Variants in ATRNL1 observed in about 807,000 individuals in gnomAD.
The protein encoded by ATRNL1 is attractin like 1.
ATRNL1 carries 95 observed loss-of-function variants against 182.7 expected under a neutral mutation model. That is an observed-to-expected ratio of 0.52 (90% confidence interval 0.44 to 0.62). The LOEUF is 0.62. Ranked by LOEUF, ATRNL1 falls within the 20% of genes least tolerant of loss-of-function variation. The pLI, the probability that ATRNL1 is intolerant of heterozygous loss-of-function variation, is 0.00. For synonymous variants in ATRNL1, 576 were observed against 568.3 expected (o/e 1.01, Z -0.19); for missense variants, 1,471 against 1,679.5 (o/e 0.88, Z 2.17).
intron 24 of ATRNL1, among the ~76,000 whole-genome samples, chr10:115,509,570 C>A (rs985771373): frequency 1.3e-5 from 2 of 152,020 alleles, no homozygotes; most frequent in Admixed American, 1.3e-4. Context: ...TCCGCCTTCA[C>A]CTTTCACCAT....
intron 19 of ATRNL1, among the ~76,000 whole-genome samples, chr10:115,351,265 G>T (rs529493433): frequency 1.3e-5 from 2 of 152,116 alleles, no homozygotes; most frequent in African/African-American, 4.8e-5. Context: ...TACTCTGGGT[G>T]GGACTTCCAG....
At chr10:115,500,873 A>ATTGGCT (rs1849794068) in intron 24 of ATRNL1, among the ~76,000 whole-genome samples, 4 of 139,592 alleles carry the variant, frequency 2.9e-5, no homozygotes, top group Admixed American at 2.9e-4. Flanking sequence ...AGGCTTTTAA[A>ATTGGCT]TTGGCTTTGA....
At chr10:115,813,370 C>A (rs2134262171) in intron 27 of ATRNL1, among the ~76,000 whole-genome samples, 1 of 152,180 alleles carries the variant, frequency 6.6e-6, no homozygotes, top group East Asian at 1.9e-4. Context: ...ATTAATACCC[C>A]AAAGAGGGGT....
At chr10:115,566,787 C>T (rs184968212) in intron 26 of ATRNL1, among the ~76,000 whole-genome samples, 3 of 152,158 alleles carry the variant, frequency 2.0e-5, no homozygotes, top group African/African-American at 4.8e-5. Context: ...GACAGTTTCA[C>T]ATTAAGTTAC....
At chr10:115,247,489 G>A (rs1290638171) in intron 10 of ATRNL1, among the ~76,000 whole-genome samples, 3 of 152,018 alleles carry the variant, frequency 2.0e-5, no homozygotes, top group Non-Finnish European at 4.4e-5. Flanking sequence ...ATCATCTCAC[G>A]CCATTTAGGA....
At chr10:115,413,935 G>A (rs1347589724) in intron 20 of ATRNL1, among the ~76,000 whole-genome samples, 3 of 152,080 alleles carry the variant, frequency 2.0e-5, no homozygotes, top group East Asian at 1.9e-4. Context: ...ATATACATAT[G>A]TGCACATACA....
chr10:115,523,738 G>T (rs571421151), intron 25 of ATRNL1, among the ~76,000 whole-genome samples: 1 of 152,236 alleles, frequency 6.6e-6, no homozygotes, highest in East Asian at 1.9e-4. Flanking sequence ...TCAGCATTTT[G>T]GTCACAGCCA....
rs1851567916 is a variant in ATRNL1, at chr10:115,265,381, A to G, written c.1772+104A>G. Reference sequence around the variant, plus strand: ...AAAATTATCATTGGTACTTAATGGTATTGGATTTTATGCATCTCTTCTCTA... The same window carrying G: ...AAAATTATCATTGGTACTTAATGGTGTTGGATTTTATGCATCTCTTCTCTA... On this transcript the variant is annotated intron_variant, in intron 11 of 28. Coordinates refer to ENST00000355044, the MANE Select transcript of ATRNL1 (RefSeq NM_207303.4). 2.9e-5 allele frequency: 19 copies of G among 646,078 alleles called. No homozygotes were observed. The South Asian group carries it at 4.7e-4, about 16-fold the overall frequency. 40.0% of individuals were successfully genotyped at this position (646,078 alleles called of 1,614,324 possible). A position where few individuals can be genotyped will look rare whatever the true frequency, so the allele number is the denominator to read the frequency against.
chr10:115,666,109 G>A (rs1860984695), intron 26 of ATRNL1, among the ~76,000 whole-genome samples: 1 of 152,134 alleles, frequency 6.6e-6, no homozygotes, highest in African/African-American at 2.4e-5. Flanking sequence ...AAAGTGGAAA[G>A]ATAGCTGTAA....
chr10:115,872,125 C>A (rs1199748485), intron 28 of ATRNL1, among the ~76,000 whole-genome samples: 1 of 152,202 alleles, frequency 6.6e-6, no homozygotes, highest in Non-Finnish European at 1.5e-5. Context: ...AAATCCAATT[C>A]TTGCATCTGC....
At chr10:115,565,166 C>T (rs1854002032) in intron 26 of ATRNL1, among the ~76,000 whole-genome samples, 1 of 151,862 alleles carries the variant, frequency 6.6e-6, no homozygotes, top group Non-Finnish European at 1.5e-5. Flanking sequence ...TGGAGTACCT[C>T]TCAAAAACTA....
chr10:115,845,412 T>G (rs2134349349), intron 27 of ATRNL1, among the ~76,000 whole-genome samples: 1 of 152,192 alleles, frequency 6.6e-6, no homozygotes, highest in South Asian at 2.1e-4. Context: ...TCCACTGTCC[T>G]TATTTGTTGC....
chr10:115,399,722 T>C (rs1844469543), intron 20 of ATRNL1, among the ~76,000 whole-genome samples: 1 of 152,052 alleles, frequency 6.6e-6, no homozygotes, highest in Non-Finnish European at 1.5e-5. Context: ...CTCTGGGATT[T>C]GTTTGCTCTT....
At chr10:115,264,991 G>T (rs1396150024) in intron 10 of ATRNL1, among the ~76,000 whole-genome samples, 1 of 151,318 alleles carries the variant, frequency 6.6e-6, no homozygotes, top group Non-Finnish European at 1.5e-5. Flanking sequence ...GAGAATTCTA[G>T]GCAAGAGTTA....
chr10:115,638,964 G>C (rs78580845), intron 26 of ATRNL1, among the ~76,000 whole-genome samples: 3,021 of 152,216 alleles, frequency 0.02, 65 homozygotes, highest in East Asian at 0.12. Context: ...GGAGAAGAGG[G>C]TGGGGCTGAA....
intron 27 of ATRNL1, among the ~76,000 whole-genome samples, chr10:115,767,058 T>G (rs1449394748): frequency 6.6e-6 from 1 of 152,176 alleles, no homozygotes; most frequent in Non-Finnish European, 1.5e-5. Context: ...TGATAATTAT[T>G]ATGAAGGTTT....
At chr10:115,748,884 G>T (rs1555069919) in intron 27 of ATRNL1, among the ~76,000 whole-genome samples, 1 of 151,652 alleles carries the variant, frequency 6.6e-6, no homozygotes, top group African/African-American at 2.4e-5. Context: ...ATTTTATCTA[G>T]ATTCGGAATG....
intron 27 of ATRNL1, among the ~76,000 whole-genome samples, chr10:115,775,768 A>G (rs1555077720): frequency 6.9e-6 from 1 of 144,744 alleles, no homozygotes; most frequent in Non-Finnish European, 1.5e-5. Flanking sequence ...CAGCCTGGCC[A>G]ACATGGTGAA....
intron 15 of ATRNL1, among the ~76,000 whole-genome samples, chr10:115,298,578 C>A (rs1377202600): frequency 6.6e-6 from 1 of 152,006 alleles, no homozygotes; most frequent in African/African-American, 2.4e-5. Context: ...TTGACTCCTG[C>A]TGTTATTATC....
Sources: gnomAD v4.1 joint callset for allele counts (sites outside exome capture counted in the v4.1 genomes callset) on GRCh38, gnomAD v4.1.1 for gene constraint, MANE v1.5 for transcripts, NCBI Gene and HGNC (gene_info 2026-07-23, HGNC 2026-07-21) for gene names.